The following RASEF variants were observed in gnomAD, a reference collection of about 807,000 sequenced individuals.
The protein encoded by RASEF is ras and EF-hand domain-containing protein.
Under a neutral mutation model 90.1 loss-of-function variants are expected in RASEF, and 68 were observed. The observed-to-expected ratio is 0.75, with a 90% CI of 0.62 to 0.92. The LOEUF (loss-of-function observed/expected upper bound fraction) is 0.92, where lower values mean the gene tolerates loss of function less well. RASEF is among the 40% of genes least tolerant of loss of function. The pLI is 0.00. For missense variants in RASEF, 949 were observed against 937.2 expected, an observed-to-expected ratio of 1.01 and a Z score of -0.16; for synonymous variants, 331 against 345.2, an observed-to-expected ratio of 0.96 and a Z score of 0.46.
intron 5 of RASEF, 99 bp from the exon 6 acceptor site, chr9:83,009,855 C>A: frequency 1.6e-6 from 1 of 606,606 alleles, no homozygotes; most frequent in East Asian, 2.7e-5. Flanking sequence ...CCACTCTCAC[C>A]CTTCCACAAC....
chr9:83,151,952 C>T, the RASEF span, among the ~76,000 whole-genome samples: 2 of 151,922 alleles, frequency 1.3e-5, no homozygotes, highest in Non-Finnish European at 2.9e-5. Flanking sequence ...CCCCAAAACA[C>T]GGCGTCGCAA....
the RASEF span, among the ~76,000 whole-genome samples, chr9:83,185,411 T>G: frequency 6.6e-6 from 1 of 151,328 alleles, no homozygotes; most frequent in Middle Eastern, 3.4e-3. Flanking sequence ...GGTCTCAAAC[T>G]CCTGGGCTCA....
the RASEF span, among the ~76,000 whole-genome samples, chr9:83,093,589 G>A: frequency 6.6e-5 from 10 of 152,206 alleles, no homozygotes; most frequent in Non-Finnish European, 1.0e-4. Flanking sequence ...CGAGCCGGTC[G>A]GCTGCTCCGA....
At chr9:83,144,391 G>A in the RASEF span, among the ~76,000 whole-genome samples, 34 of 33,228 alleles carry the variant, frequency 1.0e-3, 1 homozygote, top group African/African-American at 2.2e-3. Context: ...AAGAAAGAAA[G>A]GAAAGAAAGA....
intron 3 of RASEF, among the ~76,000 whole-genome samples, chr9:83,021,591 G>A (rs1441867596): frequency 6.6e-6 from 1 of 152,106 alleles, no homozygotes; most frequent in Non-Finnish European, 1.5e-5. Context: ...CACAAGTTCT[G>A]CATCTGCGAA....
chr9:83,036,850 C>T (rs935750328), intron 1 of RASEF, among the ~76,000 whole-genome samples: 1 of 151,942 alleles, frequency 6.6e-6, no homozygotes, highest in African/African-American at 2.4e-5. Context: ...AAAGTGAGTA[C>T]AGGTTACACG....
intron 1 of RASEF, chr9:83,048,645 T>C: frequency 1.0e-6 from 1 of 985,450 alleles, no homozygotes; most frequent in Non-Finnish European, 1.2e-6. Context: ...AACACAGACG[T>C]TCCTTGTTTA....
chr9:82,988,704 C>G (rs1209014629), intron 16 of RASEF, among the ~76,000 whole-genome samples: 1 of 152,114 alleles, frequency 6.6e-6, no homozygotes, highest in Non-Finnish European at 1.5e-5. Context: ...ATGTGACACG[C>G]TGGCTCCCCG....
the RASEF span, among the ~76,000 whole-genome samples, chr9:83,137,205 A>G: frequency 1.3e-5 from 2 of 152,064 alleles, no homozygotes; most frequent in African/African-American, 2.4e-5. Flanking sequence ...CCTACATATA[A>G]TTGCCTTATA....
At chr9:83,058,462 G>A (rs1386962194) in intron 1 of RASEF, among the ~76,000 whole-genome samples, 11 of 147,690 alleles carry the variant, frequency 7.4e-5, no homozygotes, top group Admixed American at 6.6e-5. Context: ...GATTACAGGC[G>A]TGAGCCACCG....
At chr9:83,004,250 A>G (rs1174051329) in intron 9 of RASEF, among the ~76,000 whole-genome samples, 1 of 152,180 alleles carries the variant, frequency 6.6e-6, no homozygotes, top group Non-Finnish European at 1.5e-5. Flanking sequence ...GAAACAAGAC[A>G]TGATTAGAGA....
intron 1 of RASEF, among the ~76,000 whole-genome samples, chr9:83,049,941 T>C (rs371142096): frequency 5.2e-5 from 2 of 38,720 alleles, no homozygotes; most frequent in East Asian, 1.4e-3. Context: ...CAGTCTATCA[T>C]TGTTGGACAT....
At chr9:83,170,703 A>T in the RASEF span, among the ~76,000 whole-genome samples, 1 of 151,634 alleles carries the variant, frequency 6.6e-6, no homozygotes, top group African/African-American at 2.4e-5. Flanking sequence ...TGCTTTCTTG[A>T]TTTCTTTTTC....
the RASEF span, among the ~76,000 whole-genome samples, chr9:83,107,166 T>C: frequency 1.3e-5 from 2 of 152,214 alleles, no homozygotes; most frequent in Non-Finnish European, 2.9e-5. Context: ...TCATGGAGAA[T>C]GTTAAAGCCC....
intron 1 of RASEF, among the ~76,000 whole-genome samples, chr9:83,031,268 T>C (rs887824612): frequency 6.6e-6 from 1 of 152,210 alleles, no homozygotes; most frequent in African/African-American, 2.4e-5. Context: ...GCTTCACATA[T>C]TAAGTATGTA....
At chr9:82,996,171 T>G (rs1386615342) in intron 14 of RASEF, among the ~76,000 whole-genome samples, 1 of 152,206 alleles carries the variant, frequency 6.6e-6, no homozygotes, top group Non-Finnish European at 1.5e-5. Context: ...GAAGCTAAAT[T>G]GAGATCAGAC....
At chr9:83,093,083 G>C in the RASEF span, among the ~76,000 whole-genome samples, 2 of 142,960 alleles carry the variant, frequency 1.4e-5, no homozygotes, top group African/African-American at 5.1e-5. Flanking sequence ...CGATTGGTGC[G>C]CTCACAAACC....
At chr9:83,208,650 C>G in the RASEF span, among the ~76,000 whole-genome samples, 2 of 152,134 alleles carry the variant, frequency 1.3e-5, no homozygotes, top group African/African-American at 4.8e-5. Flanking sequence ...GCACCTCCTC[C>G]CTCCCTCTCA....
At chr9:83,084,904 A>G in the RASEF span, among the ~76,000 whole-genome samples, 7 of 152,142 alleles carry the variant, frequency 4.6e-5, no homozygotes, top group African/African-American at 1.7e-4. Flanking sequence ...ACATCTCATC[A>G]TAATTGTTTT....
Sources: gnomAD v4.1 joint callset for allele counts (sites outside exome capture counted in the v4.1 genomes callset) on GRCh38, gnomAD v4.1.1 for gene constraint, MANE v1.5 for transcripts, NCBI Gene and HGNC (gene_info 2026-07-23, HGNC 2026-07-21) for gene names.